The following SORCS3 variants were observed in gnomAD, a reference collection of about 807,000 sequenced individuals.
The protein encoded by SORCS3 is VPS10 domain-containing receptor SorCS3.
Under a neutral mutation model 146.3 loss-of-function variants are expected in SORCS3, and 57 were observed. The ratio of observed to expected loss-of-function variants is 0.39; its 90% CI spans 0.31 to 0.49. The LOEUF is 0.49. SORCS3 is among the 20% of genes least tolerant of loss of function. SORCS3 has a pLI of 0.92. For synonymous variants in SORCS3, 653 were observed against 618.5 expected (o/e 1.06, Z -0.83); for missense variants, 1,341 against 1,575.5 (o/e 0.85, Z 2.52).
At chr10:104,696,223 T>TA (rs1240042034) in intron 1 of SORCS3, among the ~76,000 whole-genome samples, 11 of 127,144 alleles carry the variant, frequency 8.7e-5, no homozygotes, top group African/African-American at 2.2e-4. Flanking sequence ...TATACACATA[T>TA]ATAATATATA....
intron 3 of SORCS3, among the ~76,000 whole-genome samples, chr10:104,923,609 G>T (rs1244158253): frequency 6.6e-6 from 1 of 152,204 alleles, no homozygotes; most frequent in Non-Finnish European, 1.5e-5. Context: ...AGGCAAGGGA[G>T]TTAGAGATGC....
chr10:105,204,292 C>G (rs1250281269), intron 16 of SORCS3, among the ~76,000 whole-genome samples: 3 of 152,074 alleles, frequency 2.0e-5, no homozygotes, highest in Non-Finnish European at 4.4e-5. Flanking sequence ...TCCACATTCT[C>G]TCCTCTACAC....
At chr10:104,892,538 A>G (rs1417639958) in intron 2 of SORCS3, among the ~76,000 whole-genome samples, 1 of 152,136 alleles carries the variant, frequency 6.6e-6, no homozygotes, top group Non-Finnish European at 1.5e-5. Context: ...CCTGGCCAAC[A>G]TGGTGAAACC....
intron 11 of SORCS3, among the ~76,000 whole-genome samples, chr10:105,162,104 G>A (rs1378718364): frequency 1.3e-5 from 2 of 152,172 alleles, no homozygotes. Flanking sequence ...GGCATGAGTG[G>A]TGGTGAGAGA....
At chr10:105,013,974 G>GACAC (rs1254802662) in intron 4 of SORCS3, among the ~76,000 whole-genome samples, 2 of 112,496 alleles carry the variant, frequency 1.8e-5, no homozygotes, top group African/African-American at 4.3e-5. Flanking sequence ...TAGACACACA[G>GACAC]ACACACAGAC....
rs554499252 is a variant in SORCS3 at position 105,004,002 on chromosome 10, T to C, written c.954+26509T>C. 3.1e-4 allele frequency among the ~76,000 whole-genome samples: 46 copies of C among 146,550 alleles called. 1 individual carries two copies. Among genetic ancestry groups the C allele is most frequent in the South Asian group, 2.3e-3 (11 of 4,684 alleles). On this transcript the variant is annotated intron_variant, in intron 4 of 26. Coordinates refer to ENST00000369701, the MANE Select transcript of SORCS3 (RefSeq NM_014978.3). ...CCTCCTTTTTTTCTCTTCTCTCTCT[T>C]TTTTTTTTTTTTACCAGAGAAGATC...
intron 2 of SORCS3, among the ~76,000 whole-genome samples, chr10:104,858,441 T>C (rs1205739563): frequency 6.6e-6 from 1 of 152,226 alleles, no homozygotes; most frequent in Non-Finnish European, 1.5e-5. Context: ...CAAGTATTCA[T>C]CTGTTTTGGA....
At chr10:105,073,347 A>AG in intron 5 of SORCS3, among the ~76,000 whole-genome samples, 1 of 152,236 alleles carries the variant, frequency 6.6e-6, no homozygotes, top group Non-Finnish European at 1.5e-5. Context: ...GCCTAGGCGA[A>AG]GGGGATATTT....
intron 5 of SORCS3, among the ~76,000 whole-genome samples, chr10:105,053,563 T>C (rs2133712440): frequency 6.6e-6 from 1 of 152,038 alleles, no homozygotes; most frequent in Non-Finnish European, 1.5e-5. Flanking sequence ...ATCAAGTACG[T>C]CTTCATAGCC....
intron 8 of SORCS3, among the ~76,000 whole-genome samples, chr10:105,146,170 C>CT (rs2056129975): frequency 6.6e-6 from 1 of 152,068 alleles, no homozygotes; most frequent in African/African-American, 2.4e-5. Context: ...TTTTTAACTC[C>CT]TTCCATTTTT....
At chr10:104,981,546 T>A (rs1564727914) in intron 4 of SORCS3, among the ~76,000 whole-genome samples, 1 of 152,188 alleles carries the variant, frequency 6.6e-6, no homozygotes, top group Non-Finnish European at 1.5e-5. Context: ...TGTGATGTGT[T>A]TAGATTAGCT....
intron 2 of SORCS3, among the ~76,000 whole-genome samples, chr10:104,903,540 C>T (rs1254921139): frequency 6.6e-6 from 1 of 152,072 alleles, no homozygotes; most frequent in Non-Finnish European, 1.5e-5. Flanking sequence ...AGAGGAGATT[C>T]GCGACTGGGC....
chr10:105,105,118 A>C (rs1333844195), intron 6 of SORCS3, among the ~76,000 whole-genome samples: 1 of 152,166 alleles, frequency 6.6e-6, no homozygotes, highest in Non-Finnish European at 1.5e-5. Context: ...TACCTTTAAA[A>C]TTCTGATACA....
intron 4 of SORCS3, among the ~76,000 whole-genome samples, chr10:104,986,840 G>T (rs893168035): frequency 6.6e-6 from 1 of 152,094 alleles, no homozygotes; most frequent in African/African-American, 2.4e-5. Context: ...CAATTACAAT[G>T]ATAACATCAA....
intron 2 of SORCS3, among the ~76,000 whole-genome samples, chr10:104,882,364 G>T (rs1156715231): frequency 1.1e-4 from 17 of 152,108 alleles, no homozygotes; most frequent in Admixed American, 1.1e-3. Context: ...AAATCTCCTG[G>T]CTTCAGATAC....
intron 9 of SORCS3, among the ~76,000 whole-genome samples, chr10:105,154,090 A>T (rs1267081010): frequency 6.6e-6 from 1 of 150,798 alleles, no homozygotes; most frequent in Non-Finnish European, 1.5e-5. Flanking sequence ...AAAAAAAAAG[A>T]AACTTCCCAT....
chr10:105,096,669 G>T (rs894586121), intron 6 of SORCS3, among the ~76,000 whole-genome samples: 1 of 152,172 alleles, frequency 6.6e-6, no homozygotes, highest in African/African-American at 2.4e-5. Context: ...CTTGTGGGAT[G>T]AATTGGATGA....
Position 105,237,123 on chromosome 10 carries a change from A to G in SORCS3, c.2869-8419A>G, listed in dbSNP as rs570869773. Among the ~76,000 whole-genome samples, 13 of 152,290 alleles carry G rather than the reference A, an allele frequency of 8.5e-5. No individual in the cohort carries two copies. The East Asian group carries it at 2.5e-3, about 29-fold the overall frequency. ...ATGCTGCACAAATACCCAGGTCCCA[A>G]AGGTCTTACTAAGTGGTTTTGTTCC... On this transcript the variant is annotated intron_variant, in intron 20 of 26. Transcript: ENST00000369701.
At chr10:105,219,878 G>A (rs935120509) in intron 19 of SORCS3, among the ~76,000 whole-genome samples, 1 of 152,144 alleles carries the variant, frequency 6.6e-6, no homozygotes, top group Non-Finnish European at 1.5e-5. Flanking sequence ...CAAGGAAGAG[G>A]TTTACACTGT....
Sources: gnomAD v4.1 joint callset for allele counts (sites outside exome capture counted in the v4.1 genomes callset) on GRCh38, gnomAD v4.1.1 for gene constraint, MANE v1.5 for transcripts, NCBI Gene and HGNC (gene_info 2026-07-23, HGNC 2026-07-21) for gene names.